The following UBR7 variants were observed in gnomAD, a reference collection of about 807,000 sequenced individuals.
UBR7 encodes ubiquitin protein ligase E3 component n-recognin 7, also known as putative E3 ubiquitin-protein ligase UBR7.
UBR7 carries 22 observed loss-of-function variants against 57.0 expected under a neutral mutation model. That is an observed-to-expected ratio of 0.39 (90% CI 0.28 to 0.55). The LOEUF (loss-of-function observed/expected upper bound fraction) is 0.55. Among genes scored for constraint, UBR7 ranks in the 20% least tolerant of loss-of-function variants. UBR7 has a pLI of 0.69. For synonymous variants in UBR7, 167 were observed against 179.8 expected (o/e 0.93, Z 0.57); for missense variants, 395 against 513.2 (o/e 0.77, Z 2.23).
intron 4 of UBR7, 43 bp downstream of exon 4, chr14:93,212,170 G>A (rs1238834835): frequency 6.9e-7 from 1 of 1,456,710 alleles, no homozygotes; most frequent in Non-Finnish European, 9.5e-7. Context: ...GTCCCCTCTA[G>A]CCTTGATTCC....
intron 10 of UBR7, chr14:93,224,129 G>A (rs1287191779): frequency 2.7e-6 from 2 of 745,136 alleles, no homozygotes; most frequent in African/African-American, 1.7e-5. Flanking sequence ...TAGTGTGCCC[G>A]AGGCCTTCAT....
chr14:93,210,553 T>A, intron 2 of UBR7, 95 bp from the exon 3 acceptor site: 1 of 1,024,968 alleles, frequency 9.8e-7, no homozygotes, highest in Non-Finnish European at 1.5e-6. Flanking sequence ...ATTTCCCGAA[T>A]TGTGAAGTCT....
intron 6 of UBR7, among the ~76,000 whole-genome samples, chr14:93,218,236 C>A (rs1894629598): frequency 6.6e-6 from 1 of 151,860 alleles, no homozygotes; most frequent in South Asian, 2.1e-4. Context: ...ATGGCGAAAC[C>A]CCGTCTCTAC....
intron 6 of UBR7, among the ~76,000 whole-genome samples, chr14:93,216,582 A>G (rs1420738353): frequency 1.3e-5 from 2 of 150,354 alleles, no homozygotes; most frequent in African/African-American, 2.4e-5. Context: ...CTCATCCTAC[A>G]GTTTAGATTT....
chr14:93,213,530 A>G (rs946716001), intron 4 of UBR7, among the ~76,000 whole-genome samples: 13 of 152,110 alleles, frequency 8.5e-5, no homozygotes, highest in Admixed American at 6.6e-4. Flanking sequence ...GATGGTCTCA[A>G]TCTCCTGACC....
chr14:93,219,415 A>G, intron 8 of UBR7, 54 bp downstream of exon 8: 1 of 1,606,708 alleles, frequency 6.2e-7, no homozygotes, highest in South Asian at 1.1e-5. Context: ...TGGTGCCCCA[A>G]AATAAGAACA....
intron 9 of UBR7, among the ~76,000 whole-genome samples, chr14:93,221,305 G>A (rs1315807922): frequency 2.0e-5 from 3 of 151,988 alleles, no homozygotes; most frequent in East Asian, 1.9e-4. Flanking sequence ...GTAGAGACAA[G>A]GTTTTACCAT....
chr14:93,223,517 C>G (rs1330670220), intron 10 of UBR7: 1 of 614,072 alleles, frequency 1.6e-6, no homozygotes, highest in Admixed American at 2.9e-5. Context: ...TACTTTAGGT[C>G]ATTTTTTCCT....
At chr14:93,224,153 CG>C (rs1566824720) in intron 10 of UBR7, 1 of 633,076 alleles carries the variant, frequency 1.6e-6, no homozygotes, top group African/African-American at 1.9e-5. Flanking sequence ...GTCCTCTCCG[CG>C]CTCGCCACCA....
chr14:93,218,865 G>A, intron 7 of UBR7, 130 bp downstream of exon 7: 1 of 941,494 alleles, frequency 1.1e-6, no homozygotes, highest in Non-Finnish European at 1.6e-6. Flanking sequence ...GACCAGCCTT[G>A]GCAACATGGG....
At position 93,227,215 on chromosome 14, in the gene UBR7, C is replaced by T. The variant is rs770578626; in HGVS notation, c.*180C>T. The T allele has an allele frequency of 2.4e-5, 15 of 636,418 alleles. No individual in the cohort carries two copies. Among genetic ancestry groups the T allele is most frequent in the East Asian group, 1.3e-4 (4 of 31,194 alleles). 39.4% of individuals were successfully genotyped at this position (636,418 alleles called of 1,614,324 possible). On this transcript the variant is annotated 3_prime_UTR_variant, in exon 11 of 11. Coordinates refer to ENST00000013070, the MANE Select transcript of UBR7 (RefSeq NM_175748.4). ...GTGTGGATGCTGACTTCACAGCCAG[C>T]GTCCTCTGTGACTCAGCTGATGCAG...
At chr14:93,213,638 C>G (rs969142639) in intron 4 of UBR7, among the ~76,000 whole-genome samples, 2 of 151,834 alleles carry the variant, frequency 1.3e-5, no homozygotes, top group Admixed American at 6.6e-5. Flanking sequence ...TTTTTTCTTT[C>G]CCTGATGATA....
intron 3 of UBR7, among the ~76,000 whole-genome samples, chr14:93,211,527 AC>A (rs1306856830): frequency 6.6e-6 from 1 of 151,960 alleles, no homozygotes; most frequent in Non-Finnish European, 1.5e-5. Flanking sequence ...AGCCTGGGCG[AC>A]AGAGCGAGAC....
intron 6 of UBR7, among the ~76,000 whole-genome samples, chr14:93,215,689 C>CAAAAAA (rs34666080): frequency 2.8e-5 from 2 of 71,800 alleles, no homozygotes; most frequent in African/African-American, 4.3e-5. Context: ...ACTCCATCCT[C>CAAAAAA]AAAAAAAAAA....
At chr14:93,220,056 T>A (rs191019791) in intron 8 of UBR7, among the ~76,000 whole-genome samples, 193 bp from the exon 9 acceptor site, 52 of 151,934 alleles carry the variant, frequency 3.4e-4, no homozygotes, top group African/African-American at 1.2e-3. Context: ...AATTGGGAGA[T>A]TTCTGAAAGA....
At chr14:93,212,722 A>G (rs760925136) in intron 4 of UBR7, among the ~76,000 whole-genome samples, 2 of 152,216 alleles carry the variant, frequency 1.3e-5, no homozygotes, top group Admixed American at 1.3e-4. Context: ...TCTCACCAGT[A>G]TATCATAGAC....
At chr14:93,218,416 A>C in intron 6 of UBR7, 111 bp from the exon 7 acceptor site, 1 of 1,018,218 alleles carries the variant, frequency 9.8e-7, no homozygotes, top group South Asian at 1.5e-5. Flanking sequence ...GTCTGTAAAA[A>C]AAAAAAATAA....
At chr14:93,215,316 T>G (rs1218831141) in intron 6 of UBR7, 35 bp downstream of exon 6, 1 of 1,516,838 alleles carries the variant, frequency 6.6e-7, no homozygotes, top group East Asian at 2.4e-5. Flanking sequence ...TGCCACAAAC[T>G]TGTGCTTGTG....
Position 93,228,798 on chromosome 14 carries a change from T to C in UBR7, c.*1763T>C. ...CCGGAAAACTTTTAATCTTCTCAAA[T>C]ATCTGATGTAACTACCAGAAAGTCC... On this transcript the variant is annotated 3_prime_UTR_variant, in exon 11 of 11. Coordinates refer to ENST00000013070, the MANE Select transcript of UBR7 (RefSeq NM_175748.4). 2.2e-6 allele frequency: 1 copy of C among 454,148 alleles called. No homozygotes were observed. Among genetic ancestry groups the C allele is most frequent in the Non-Finnish European group, 4.4e-6 (1 of 226,792 alleles). 28.1% of individuals were successfully genotyped at this position (454,148 alleles called of 1,614,324 possible). A position where few individuals can be genotyped will look rare whatever the true frequency, so the allele number is the denominator to read the frequency against.
Sources: gnomAD v4.1 joint callset for allele counts (sites outside exome capture counted in the v4.1 genomes callset) on GRCh38, gnomAD v4.1.1 for gene constraint, MANE v1.5 for transcripts, NCBI Gene and HGNC (gene_info 2026-07-23, HGNC 2026-07-21) for gene names.